B4GALT5: variants seen among roughly 807,000 people sequenced by gnomAD.
B4GALT5 encodes UDP-Gal:beta-GlcNAc beta-1,4-galactosyltransferase 5.
Under a neutral mutation model 45.0 loss-of-function variants are expected in B4GALT5, and 11 were observed. That is an observed-to-expected ratio of 0.24 (90% CI 0.15 to 0.40). The LOEUF is 0.40. Ranked by LOEUF, B4GALT5 falls within the 10% of genes least tolerant of loss-of-function variation. B4GALT5 has a pLI of 1.00. For missense variants in B4GALT5, 337 were observed against 500.2 expected (o/e 0.67, Z 3.11); for synonymous variants, 185 against 182.9 (o/e 1.01, Z -0.09).
At chr20:49,647,372 T>G (rs2085603516) in intron 2 of B4GALT5, among the ~76,000 whole-genome samples, 1 of 152,210 alleles carries the variant, frequency 6.6e-6, no homozygotes, top group Non-Finnish European at 1.5e-5. Context: ...GTTGCCCTCC[T>G]CTCATTTCTG....
chr20:49,636,774 G>C (rs1568713501), intron 8 of B4GALT5, among the ~76,000 whole-genome samples: 1 of 152,088 alleles, frequency 6.6e-6, no homozygotes, highest in Non-Finnish European at 1.5e-5. Flanking sequence ...GGAAGTGGGA[G>C]GTAAAGCATT....
intron 1 of B4GALT5, among the ~76,000 whole-genome samples, chr20:49,658,737 A>C (rs761192790): frequency 2.0e-5 from 3 of 152,098 alleles, no homozygotes; most frequent in Non-Finnish European, 4.4e-5. Flanking sequence ...CCTAGGTCCC[A>C]CTACCCAGAC....
At chr20:49,646,871 T>C (rs927452607) in intron 3 of B4GALT5, 94 bp downstream of exon 3, 3 of 747,844 alleles carry the variant, frequency 4.0e-6, no homozygotes, top group Non-Finnish European at 6.4e-6. Context: ...AGGGAGGTAT[T>C]TATATTCTCT....
intron 1 of B4GALT5, among the ~76,000 whole-genome samples, chr20:49,678,646 A>G (rs1006685669): frequency 2.0e-5 from 3 of 152,238 alleles, no homozygotes; most frequent in Non-Finnish European, 2.9e-5. Context: ...TTGGACAGAC[A>G]TGTAGCAAGG....
At chr20:49,649,572 C>T (rs1601249651) in intron 2 of B4GALT5, among the ~76,000 whole-genome samples, 1 of 151,846 alleles carries the variant, frequency 6.6e-6, no homozygotes, top group East Asian at 1.9e-4. Flanking sequence ...AGAATGAGAT[C>T]CTATCTTAAA....
intron 1 of B4GALT5, among the ~76,000 whole-genome samples, chr20:49,696,448 G>T (rs184118122): frequency 2.6e-5 from 4 of 152,350 alleles, no homozygotes; most frequent in Non-Finnish European, 4.4e-5. Flanking sequence ...TATCGGTAAA[G>T]ACAGCAGGTA....
At chr20:49,639,898 G>T in intron 6 of B4GALT5, 98 bp from the exon 7 acceptor site, 2 of 1,477,770 alleles carry the variant, frequency 1.4e-6, no homozygotes, top group Non-Finnish European at 1.8e-6. Flanking sequence ...TGCTCTCTGT[G>T]CTCCTGACCT....
chr20:49,687,806 T>C lies in B4GALT5; in HGVS notation c.115+25770A>G, dbSNP rs74867329. On this transcript the variant is annotated intron_variant, in intron 1 of 8. Transcript: ENST00000371711. ...AAGATTTGCATAAAGTAGCCTCTGC[T>C]TCTGGCTATGACTGAGAGCCTGTGG... Among the ~76,000 whole-genome samples, 1,336 of 152,248 alleles carry C rather than the reference T, an allele frequency of 8.8e-3. 14 individuals are homozygous for C. The highest frequency in any genetic ancestry group is 0.031 in the African/African-American group (1,268 of 41,526).
chr20:49,671,502 A>G (rs574895398), intron 1 of B4GALT5, among the ~76,000 whole-genome samples: 129 of 152,356 alleles, frequency 8.5e-4, no homozygotes, highest in African/African-American at 2.9e-3. Flanking sequence ...TACTACATAC[A>G]GTATATCACA....
intron 1 of B4GALT5, among the ~76,000 whole-genome samples, chr20:49,679,846 G>A (rs2146348335): frequency 6.6e-6 from 1 of 152,190 alleles, no homozygotes; most frequent in South Asian, 2.1e-4. Flanking sequence ...AGGAAATATG[G>A]CAAATATTTA....
chr20:49,657,010 AG>A (rs2085646334), intron 1 of B4GALT5, among the ~76,000 whole-genome samples: 3 of 152,296 alleles, frequency 2.0e-5, no homozygotes, highest in African/African-American at 7.2e-5. Context: ...TCTGATCATC[AG>A]AAGAAAGACC....
intron 1 of B4GALT5, among the ~76,000 whole-genome samples, chr20:49,671,892 C>T (rs1248662945): frequency 6.6e-6 from 1 of 151,902 alleles, no homozygotes; most frequent in African/African-American, 2.4e-5. Context: ...TGTATGGGGT[C>T]GGGGGAAGCA....
At chr20:49,702,276 A>C (rs1000204264) in intron 1 of B4GALT5, among the ~76,000 whole-genome samples, 2 of 152,204 alleles carry the variant, frequency 1.3e-5, no homozygotes, top group Admixed American at 6.5e-5. Context: ...AACAAACAAA[A>C]AAAACCATGA....
intron 1 of B4GALT5, among the ~76,000 whole-genome samples, chr20:49,666,217 G>A (rs908092690): frequency 2.0e-5 from 3 of 152,060 alleles, no homozygotes; most frequent in Admixed American, 6.5e-5. Context: ...ATAAAAGTTG[G>A]GAGCCTGAAT....
At chr20:49,671,970 C>T (rs1378321499) in intron 1 of B4GALT5, among the ~76,000 whole-genome samples, 1 of 152,042 alleles carries the variant, frequency 6.6e-6, no homozygotes, top group Non-Finnish European at 1.5e-5. Flanking sequence ...CCTAATAATT[C>T]CCCTAATCTC....
chr20:49,701,674 C>T (rs1423324262), intron 1 of B4GALT5, among the ~76,000 whole-genome samples: 1 of 152,068 alleles, frequency 6.6e-6, no homozygotes, highest in Middle Eastern at 3.2e-3. Flanking sequence ...AAAAAAAACA[C>T]CCACAATACC....
intron 1 of B4GALT5, among the ~76,000 whole-genome samples, chr20:49,671,472 C>T (rs184936953): frequency 3.6e-4 from 55 of 152,258 alleles, no homozygotes; most frequent in Non-Finnish European, 5.3e-4. Flanking sequence ...TGATTCAAGA[C>T]GGTATATACA....
At chr20:49,662,872 C>G (rs889523355) in intron 1 of B4GALT5, among the ~76,000 whole-genome samples, 1 of 152,156 alleles carries the variant, frequency 6.6e-6, no homozygotes, top group African/African-American at 2.4e-5. Context: ...CCAAAGGAGA[C>G]TGGTTGAATA....
At chr20:49,637,643 G>GA (rs1428590714) in intron 7 of B4GALT5, among the ~76,000 whole-genome samples, 1 of 152,026 alleles carries the variant, frequency 6.6e-6, no homozygotes. Flanking sequence ...TATGTGAACG[G>GA]AAAAAATAGG....
Sources: gnomAD v4.1 joint callset for allele counts (sites outside exome capture counted in the v4.1 genomes callset) on GRCh38, gnomAD v4.1.1 for gene constraint, MANE v1.5 for transcripts, NCBI Gene and HGNC (gene_info 2026-07-23, HGNC 2026-07-21) for gene names.